SLC35F1: variants seen among roughly 807,000 people sequenced by gnomAD.
SLC35F1 encodes chromosome 6 open reading frame 169.
Under a neutral mutation model 48.7 loss-of-function variants are expected in SLC35F1, and 14 were observed. The ratio of observed to expected loss-of-function variants is 0.29; its 90% CI spans 0.19 to 0.45. SLC35F1 has a LOEUF of 0.45. Among genes scored for constraint, SLC35F1 ranks in the 20% least tolerant of loss-of-function variants. The pLI, the probability that SLC35F1 is intolerant of heterozygous loss-of-function variation, is 1.00. For synonymous variants in SLC35F1, 190 were observed against 202.2 expected (o/e 0.94, Z 0.51); for missense variants, 404 against 500.0 (o/e 0.81, Z 1.83).
At chr6:118,143,185 A>C (rs976217312) in intron 1 of SLC35F1, among the ~76,000 whole-genome samples, 2 of 152,236 alleles carry the variant, frequency 1.3e-5, no homozygotes, top group African/African-American at 4.8e-5. Context: ...AGAGAAAGTG[A>C]GTCACCGATC....
intron 1 of SLC35F1, among the ~76,000 whole-genome samples, chr6:117,945,616 T>C (rs1245915891): frequency 6.6e-6 from 1 of 152,234 alleles, no homozygotes; most frequent in Non-Finnish European, 1.5e-5. Flanking sequence ...AGCAGCATTC[T>C]TTTCCCGATT....
At chr6:118,297,642 A>ATATATTTT (rs1158125735) in intron 7 of SLC35F1, among the ~76,000 whole-genome samples, 2 of 37,460 alleles carry the variant, frequency 5.3e-5, no homozygotes, top group African/African-American at 2.5e-4. Flanking sequence ...ATATATAAAA[A>ATATATTTT]ATATATATAT....
chr6:118,248,609 A>C (rs1215878382), intron 3 of SLC35F1, among the ~76,000 whole-genome samples: 1 of 152,184 alleles, frequency 6.6e-6, no homozygotes, highest in East Asian at 1.9e-4. Flanking sequence ...AGCCCCTAGA[A>C]GCTGAAAAAG....
chr6:118,201,249 A>C (rs995919958), intron 2 of SLC35F1, among the ~76,000 whole-genome samples: 9 of 152,124 alleles, frequency 5.9e-5, no homozygotes, highest in African/African-American at 2.2e-4. Flanking sequence ...TTCCCTCAGA[A>C]TTTGCCAAAG....
intron 1 of SLC35F1, among the ~76,000 whole-genome samples, chr6:118,093,897 G>C (rs926179323): frequency 6.6e-6 from 1 of 152,176 alleles, no homozygotes; most frequent in African/African-American, 2.4e-5. Flanking sequence ...TGAGTAAGAA[G>C]AGGACTGATA....
intron 1 of SLC35F1, among the ~76,000 whole-genome samples, chr6:117,962,319 A>G (rs529769651): frequency 6.6e-6 from 1 of 152,332 alleles, no homozygotes; most frequent in Admixed American, 6.5e-5. Flanking sequence ...ATACAAAAAA[A>G]CAAAACTTGA....
intron 1 of SLC35F1, among the ~76,000 whole-genome samples, chr6:118,089,932 C>A (rs1335858290): frequency 6.6e-6 from 1 of 152,154 alleles, no homozygotes; most frequent in African/African-American, 2.4e-5. Context: ...CTATAATGGT[C>A]CCATAAATGA....
chr6:118,083,644 C>T (rs1772943891), intron 1 of SLC35F1, among the ~76,000 whole-genome samples: 1 of 152,174 alleles, frequency 6.6e-6, no homozygotes, highest in Non-Finnish European at 1.5e-5. Context: ...TAATTTAGTA[C>T]TTTGTTCTCT....
At chr6:118,289,629 A>T (rs1041919483) in intron 7 of SLC35F1, among the ~76,000 whole-genome samples, 6 of 152,196 alleles carry the variant, frequency 3.9e-5, no homozygotes, top group Non-Finnish European at 8.8e-5. Flanking sequence ...TGATTTATTT[A>T]AACTTATCAT....
chr6:118,139,189 T>C (rs1360438523), intron 1 of SLC35F1, among the ~76,000 whole-genome samples: 1 of 152,184 alleles, frequency 6.6e-6, no homozygotes, highest in Non-Finnish European at 1.5e-5. Context: ...CTCAGCTCAC[T>C]GCAAGCTCCA....
intron 7 of SLC35F1, among the ~76,000 whole-genome samples, chr6:118,292,699 T>G (rs2114650161): frequency 6.6e-6 from 1 of 152,086 alleles, no homozygotes; most frequent in African/African-American, 2.4e-5. Context: ...TTTTTTTTTT[T>G]TCACTTTCCA....
At chr6:117,981,487 G>A (rs556261750) in intron 1 of SLC35F1, among the ~76,000 whole-genome samples, 1 of 152,214 alleles carries the variant, frequency 6.6e-6, no homozygotes, top group Non-Finnish European at 1.5e-5. Context: ...CAGTGCATGA[G>A]GGAGGATTGA....
At chr6:118,191,903 A>C (rs1219822537) in intron 2 of SLC35F1, among the ~76,000 whole-genome samples, 7 of 152,208 alleles carry the variant, frequency 4.6e-5, no homozygotes, top group Admixed American at 4.6e-4. Flanking sequence ...TATGGGTTTG[A>C]CAAACCAAAT....
At chr6:117,926,062 C>T (rs1582566978) in intron 1 of SLC35F1, among the ~76,000 whole-genome samples, 1 of 152,224 alleles carries the variant, frequency 6.6e-6, no homozygotes, top group East Asian at 1.9e-4. Context: ...TTGGGGAAGG[C>T]ATCTAAGCAT....
At chr6:118,304,628 G>C (rs909519320) in intron 7 of SLC35F1, among the ~76,000 whole-genome samples, 1 of 152,102 alleles carries the variant, frequency 6.6e-6, no homozygotes, top group Admixed American at 6.5e-5. Context: ...TACCAATCTT[G>C]GCTTTAGAAT....
chr6:118,190,191 C>T (rs571718698), intron 2 of SLC35F1, among the ~76,000 whole-genome samples: 1 of 152,190 alleles, frequency 6.6e-6, no homozygotes, highest in African/African-American at 2.4e-5. Flanking sequence ...GGTCTTGGAA[C>T]CCACTGGGAA....
intron 1 of SLC35F1, among the ~76,000 whole-genome samples, chr6:118,051,655 G>GA (rs925721926): frequency 3.3e-5 from 5 of 152,074 alleles, no homozygotes; most frequent in East Asian, 3.8e-4. Flanking sequence ...GAACATATGT[G>GA]AAAAAAATGG....
intron 1 of SLC35F1, among the ~76,000 whole-genome samples, chr6:118,052,905 G>A (rs560116800): frequency 6.6e-6 from 1 of 152,164 alleles, no homozygotes; most frequent in East Asian, 1.9e-4. Context: ...ATTTACATGA[G>A]GTTGTTCTTT....
At chr6:118,037,222 C>A (rs183888173) in intron 1 of SLC35F1, among the ~76,000 whole-genome samples, 2 of 152,058 alleles carry the variant, frequency 1.3e-5, no homozygotes, top group African/African-American at 2.4e-5. Flanking sequence ...TTATTTAAAT[C>A]TTTTTATTTA....
Sources: gnomAD v4.1 joint callset for allele counts (sites outside exome capture counted in the v4.1 genomes callset) on GRCh38, gnomAD v4.1.1 for gene constraint, MANE v1.5 for transcripts, NCBI Gene and HGNC (gene_info 2026-07-23, HGNC 2026-07-21) for gene names.